The following MUC7 variants were observed in gnomAD, a reference collection of about 807,000 sequenced individuals.
MUC7 encodes the protein mucin 7, secreted.
MUC7 carries 2 observed loss-of-function variants against 2.5 expected under a neutral mutation model. That is an observed-to-expected ratio of 0.81 (90% CI 0.33 to 2.55). The LOEUF is 2.55. Ranked by LOEUF, MUC7 falls within the 30% of genes most tolerant of loss-of-function variation. The pLI is 0.11. For missense variants in MUC7, 408 were observed against 455.6 expected, an observed-to-expected ratio of 0.90 and a Z score of 0.95; for synonymous variants, 133 against 173.4, an observed-to-expected ratio of 0.77 and a Z score of 1.83.
chr4:70,482,991 C>T lies in MUC7; in HGVS notation c.*1113C>T, dbSNP rs562421323. On this transcript the variant is annotated 3_prime_UTR_variant, in exon 3 of 3. Coordinates refer to ENST00000304887, the MANE Select transcript of MUC7 (RefSeq NM_152291.3). ...GCTAACTAATAAAGATTTCAAATGG[C>T]AATTTATATTCATTGTGTGTATCTG... The T allele has an allele frequency of 4.6e-5, 7 of 152,176 alleles. No individual in the cohort carries two copies. Among genetic ancestry groups the T allele is most frequent in the Non-Finnish European group, 1.0e-4 (7 of 68,032 alleles). 9.4% of individuals were successfully genotyped at this position (152,176 alleles called of 1,614,324 possible). A position where few individuals can be genotyped will look rare whatever the true frequency, so the allele number is the denominator to read the frequency against.
At chr4:70,475,048 G>GC (rs1734956480) in intron 2 of MUC7, among the ~76,000 whole-genome samples, 1 of 152,146 alleles carries the variant, frequency 6.6e-6, no homozygotes, top group South Asian at 2.1e-4. Flanking sequence ...GGAGGCCAAG[G>GC]CAGGTGGATC....
chr4:70,449,218 C>A (rs866655669), intron 1 of MUC7, among the ~76,000 whole-genome samples: 1 of 152,068 alleles, frequency 6.6e-6, no homozygotes, highest in Non-Finnish European at 1.5e-5. Flanking sequence ...TCTGTTTTCA[C>A]GTTACTGATA....
intron 1 of MUC7, among the ~76,000 whole-genome samples, chr4:70,431,496 G>A (rs1210462392): frequency 6.6e-6 from 1 of 151,832 alleles, no homozygotes; most frequent in Non-Finnish European, 1.5e-5. Context: ...TTTTGGGGGG[G>A]TGGGAGATGA....
chr4:70,438,056 G>A (rs1577897716), intron 1 of MUC7, among the ~76,000 whole-genome samples: 2 of 152,146 alleles, frequency 1.3e-5, no homozygotes, highest in African/African-American at 4.8e-5. Context: ...TGAAAATCAT[G>A]TGGAATGTAG....
chr4:70,437,393 T>G (rs1420580227), intron 1 of MUC7, among the ~76,000 whole-genome samples: 2 of 152,200 alleles, frequency 1.3e-5, no homozygotes, highest in Non-Finnish European at 2.9e-5. Context: ...GTTTACATTG[T>G]GAGCATAGAA....
At chr4:70,471,646 A>G (rs552412615), upstream of MUC7, among the ~76,000 whole-genome samples, 340 of 152,278 alleles carry the variant, frequency 2.2e-3, 2 homozygotes, top group Middle Eastern at 0.014. Flanking sequence ...TCACTTTTCT[A>G]TATGTTTGAA....
chr4:70,461,046 C>A (rs762453997), intron 1 of MUC7, among the ~76,000 whole-genome samples: 19 of 152,194 alleles, frequency 1.2e-4, no homozygotes, highest in Non-Finnish European at 1.6e-4. Context: ...CTGAAGGTCT[C>A]TAACTTACCC....
chr4:70,455,315 C>A (rs1403927336), intron 1 of MUC7, among the ~76,000 whole-genome samples: 1 of 152,138 alleles, frequency 6.6e-6, no homozygotes, highest in South Asian at 2.1e-4. Context: ...TAGGCTCAAT[C>A]TTTCTATGAG....
chr4:70,432,711 T>C (rs2109784266), intron 1 of MUC7, among the ~76,000 whole-genome samples: 1 of 152,340 alleles, frequency 6.6e-6, no homozygotes, highest in Middle Eastern at 3.4e-3. Context: ...TAGTTTCTTT[T>C]GCTGTGCAGA....
chr4:70,471,203 T>C (rs1223604475), upstream of MUC7, among the ~76,000 whole-genome samples: 1 of 152,200 alleles, frequency 6.6e-6, no homozygotes. Flanking sequence ...TCTTAAGTTC[T>C]TTTTTAAGTT....
At chr4:70,476,967 C>G (rs1483065655) in intron 2 of MUC7, among the ~76,000 whole-genome samples, 3 of 152,138 alleles carry the variant, frequency 2.0e-5, no homozygotes, top group Non-Finnish European at 4.4e-5. Flanking sequence ...GGGATGTATT[C>G]TGGAGTCAGA....
intron 1 of MUC7, among the ~76,000 whole-genome samples, chr4:70,463,885 T>C (rs1016957639): frequency 1.3e-5 from 2 of 152,228 alleles, no homozygotes; most frequent in South Asian, 4.1e-4. Flanking sequence ...ATAACTGAGA[T>C]GACTGTTCTA....
intron 1 of MUC7, among the ~76,000 whole-genome samples, chr4:70,464,113 G>T (rs561069029): frequency 2.0e-5 from 3 of 152,164 alleles, no homozygotes; most frequent in Non-Finnish European, 4.4e-5. Context: ...GCCAAAGCAG[G>T]GTGGGGCGTC....
chr4:70,481,323 C>T lies in MUC7; in HGVS notation c.579C>T (p.Pro193=). The change falls in exon 3 of 3, where the codon CCC becomes CCT. Residue 193 remains proline, a synonymous_variant. Transcript: ENST00000304887. ...CACCAGAGACCACAGCTGCCCCACC[C>T]ACACCTTCTGCAACTACACAAGCTC... ...SAPPETTAAP[P]TPSATTQAPP... is the part of the protein sequence containing the mutation. 1 of 1,611,104 alleles carries T rather than the reference C, an allele frequency of 6.2e-7. No individual in the cohort carries two copies. The highest frequency in any genetic ancestry group is 8.5e-7 in the Non-Finnish European group (1 of 1,178,922).
chr4:70,478,249 T>C (rs1054360941), intron 2 of MUC7, among the ~76,000 whole-genome samples: 20 of 152,194 alleles, frequency 1.3e-4, no homozygotes, highest in Non-Finnish European at 1.9e-4. Flanking sequence ...CTTTTAAATG[T>C]TAATACTTTA....
At chr4:70,465,701 A>C (rs1438794752) in intron 1 of MUC7, among the ~76,000 whole-genome samples, 1 of 152,208 alleles carries the variant, frequency 6.6e-6, no homozygotes, top group African/African-American at 2.4e-5. Flanking sequence ...TTAGAGAAAA[A>C]AGAATAAAAA....
At chr4:70,466,446 T>C (rs1734684890) in intron 1 of MUC7, among the ~76,000 whole-genome samples, 1 of 152,186 alleles carries the variant, frequency 6.6e-6, no homozygotes, top group East Asian at 1.9e-4. Flanking sequence ...AATGCTCCAA[T>C]TAAAAGACAC....
In MUC7 at chr4:70,444,597, CT is replaced by C. The variant is rs556142373; in HGVS notation, c.-93+13917del. 4.0e-3 allele frequency among the ~76,000 whole-genome samples: 608 copies of C among 152,274 alleles called. 1 individual carries two copies. Among genetic ancestry groups the C allele is most frequent in the Middle Eastern group, 0.01 (3 of 294 alleles). On this transcript the variant is annotated intron_variant, in intron 1 of 3. Coordinates refer to the MUC7 transcript ENST00000413702. ...GACACCACTGCAATTGATGATGCAT[CT>C]TTTTTTATAGCCACTGATTATCTTG...
At chr4:70,445,181 CCCATGACACCAGCTA>C in intron 1 of MUC7, among the ~76,000 whole-genome samples, 1 of 152,312 alleles carries the variant, frequency 6.6e-6, no homozygotes, top group African/African-American at 2.4e-5. Context: ...CCATACTCCT[CCCATGACACCAGCTA>C]CCATTGTATC....
Sources: allele counts gnomAD v4.1 joint callset (sites outside exome capture counted in the v4.1 genomes callset), GRCh38; gene constraint gnomAD v4.1.1; transcripts MANE v1.5; gene names NCBI Gene and HGNC (gene_info 2026-07-23, HGNC 2026-07-21).